The following DMD variants were observed in gnomAD, a reference collection of about 807,000 sequenced individuals.
DMD encodes dystrophin.
Under a neutral mutation model 330.1 loss-of-function variants are expected in DMD, and 63 were observed. That is an observed-to-expected ratio of 0.19 (90% CI 0.16 to 0.24). The LOEUF is 0.24. Ranked by LOEUF, DMD falls within the 10% of genes least tolerant of loss-of-function variation. The pLI is 1.00. For synonymous variants in DMD, 1,223 were observed against 959.8 expected (o/e 1.27, Z -5.07); for missense variants, 3,344 against 2,684.1 (o/e 1.25, Z -5.43).
intron 1 of DMD, among the ~76,000 whole-genome samples, chrX:33,045,627 G>C (rs1014518887): frequency 1.8e-5 from 2 of 109,649 alleles, no homozygotes; most frequent in Admixed American, 9.7e-5. Flanking sequence ...ATAAGTGAGA[G>C]CTAGAAGCCG....
chrX:32,569,807 A>G (rs2052190361), intron 15 of DMD, among the ~76,000 whole-genome samples: 1 of 110,838 alleles, frequency 9.0e-6, no homozygotes, highest in Non-Finnish European at 1.9e-5. Flanking sequence ...CTGCTTCCCC[A>G]GAGCTGTCCT....
rs72468677 is a variant in DMD, at chrX:32,485,166, G to A, written c.2623-67C>T. 269 of 1,090,979 alleles carry A rather than the reference G, an allele frequency of 2.5e-4. 1 individual carries two copies. Among genetic ancestry groups the A allele is most frequent in the Non-Finnish European group, 4.7e-5 (37 of 788,894 alleles). 89.9% of individuals were successfully genotyped at this position (1,090,979 alleles called of 1,213,427 possible). The stretch of plus-strand genomic sequence containing the variant: ...GCATACATTACATTTTGCAAAAGAA[G>A]GTATTAAAAAGCAGTAAGGCAAGTT... On this transcript the variant is annotated intron_variant, in intron 20 of 78. Coordinates refer to ENST00000357033, the MANE Select transcript of DMD (RefSeq NM_004006.3).
Position 32,592,390 on chromosome X carries a change from G to A in DMD, c.1602+3367C>T, listed in dbSNP as rs770213898. The stretch of plus-strand genomic sequence containing the variant: ...ACATTGGGACTACCAGCCGCAGGAA[G>A]GAGCTACCTACTTTGTGTCTCCTTG... On this transcript the variant is annotated intron_variant, in intron 13 of 78. Coordinates refer to ENST00000357033, the MANE Select transcript of DMD (RefSeq NM_004006.3). Among the ~76,000 whole-genome samples, 4 of 111,249 alleles carry A rather than the reference G, an allele frequency of 3.6e-5. No homozygotes were observed. The South Asian group carries it at 1.5e-3, about 43-fold the overall frequency.
intron 7 of DMD, among the ~76,000 whole-genome samples, chrX:32,762,429 CCAAA>C (rs1440529503): frequency 1.8e-5 from 2 of 111,363 alleles, no homozygotes; most frequent in Admixed American, 1.9e-4. Context: ...GTCCTTGACA[CCAAA>C]CATTCTAGTA....
At chrX:32,373,377 C>A (rs779507419) in intron 34 of DMD, among the ~76,000 whole-genome samples, 30 of 108,055 alleles carry the variant, frequency 2.8e-4, no homozygotes, top group African/African-American at 9.6e-4. Context: ...ATTAGCTTTC[C>A]TCTAGTTCAG....
At chrX:31,209,433 T>C (rs2044418091) in intron 65 of DMD, 65 bp downstream of exon 65, 4 of 1,078,380 alleles carry the variant, frequency 3.7e-6, no homozygotes, top group Admixed American at 2.2e-5. Context: ...CTAATTACAC[T>C]TCACCATTCT....
chrX:31,935,315 AG>A lies in DMD; in HGVS notation c.6615-3089del, dbSNP rs757203311. On this transcript the variant is annotated intron_variant, in intron 45 of 78. Transcript: ENST00000357033. Reference sequence around the variant, plus strand: ...ATCTTGCCTGGGACACGGAGTACAGAGGAGATTGGAAATTGCTTGGAATAGA... The same window carrying A: ...ATCTTGCCTGGGACACGGAGTACAGAGAGATTGGAAATTGCTTGGAATAGA... Among the ~76,000 whole-genome samples, 206 of 111,618 alleles carry A rather than the reference AG, an allele frequency of 1.8e-3. 1 individual carries two copies. The highest frequency in any genetic ancestry group is 5.4e-3 in the African/African-American group (166 of 30,750).
At chrX:33,200,776 T>G (rs2051214865) in intron 1 of DMD, among the ~76,000 whole-genome samples, 2 of 110,491 alleles carry the variant, frequency 1.8e-5, no homozygotes, top group Admixed American at 1.9e-4. Flanking sequence ...TTTCTATAGC[T>G]TATCCAAAGA....
At chrX:31,277,706 G>A (rs2052264325) in intron 62 of DMD, among the ~76,000 whole-genome samples, 1 of 111,693 alleles carries the variant, frequency 9.0e-6, no homozygotes, top group Non-Finnish European at 1.9e-5. Flanking sequence ...GCAGCTTTCT[G>A]ATGACCTGGC....
At chrX:32,315,902 C>G (rs1322778347) in intron 41 of DMD, among the ~76,000 whole-genome samples, 1 of 111,736 alleles carries the variant, frequency 8.9e-6, no homozygotes, top group Non-Finnish European at 1.9e-5. Flanking sequence ...TACAAGAGTT[C>G]AATTTTTAAG....
chrX:32,336,593 T>C (rs2097716756), intron 41 of DMD, among the ~76,000 whole-genome samples: 1 of 111,645 alleles, frequency 9.0e-6, no homozygotes, highest in Non-Finnish European at 1.9e-5. Flanking sequence ...GAGAAACTGA[T>C]GTTCTGAACG....
chrX:32,493,315 C>T (rs893487434), intron 19 of DMD, among the ~76,000 whole-genome samples: 20 of 111,755 alleles, frequency 1.8e-4, no homozygotes, highest in Non-Finnish European at 3.4e-4. Context: ...CTCAGGATGG[C>T]GGTGAAGGAG....
chrX:31,555,756 T>C (rs947029113), intron 55 of DMD, among the ~76,000 whole-genome samples: 3 of 112,212 alleles, frequency 2.7e-5, no homozygotes, highest in Non-Finnish European at 3.8e-5. Flanking sequence ...GCTGATGCAA[T>C]ACAGAGACAG....
intron 44 of DMD, among the ~76,000 whole-genome samples, chrX:32,075,284 T>A (rs749076845): frequency 8.9e-5 from 10 of 112,113 alleles, no homozygotes; most frequent in Non-Finnish European, 3.8e-5. Flanking sequence ...TTTATCCATA[T>A]GTAGGATTTT....
intron 70 of DMD, 35 bp from the exon 71 acceptor site, chrX:31,178,005 C>G: frequency 8.5e-7 from 1 of 1,172,479 alleles, no homozygotes; most frequent in Non-Finnish European, 1.2e-6. Context: ...GAAGGAGACA[C>G]ACGCAAACTC....
intron 57 of DMD, among the ~76,000 whole-genome samples, chrX:31,493,956 G>A (rs1486603755): frequency 9.0e-6 from 1 of 110,578 alleles, no homozygotes; most frequent in African/African-American, 3.3e-5. Flanking sequence ...TCAAGAGATC[G>A]AGACCATCTG....
chrX:32,263,039 A>T lies in DMD; in HGVS notation c.6290+24490T>A, dbSNP rs750524596. 6.2e-5 allele frequency among the ~76,000 whole-genome samples: 7 copies of T among 112,141 alleles called. No homozygotes were observed. In the South Asian group the frequency reaches 2.6e-3, roughly 42 times the overall value. Reference sequence around the variant, plus strand: ...CCATCTGCATGGAAATCTCTGTCTTAGAGTCTATGTCTTAGAAAATCCAAT... The same window carrying T: ...CCATCTGCATGGAAATCTCTGTCTTTGAGTCTATGTCTTAGAAAATCCAAT... On this transcript the variant is annotated intron_variant, in intron 43 of 78. Coordinates refer to ENST00000357033, the MANE Select transcript of DMD (RefSeq NM_004006.3).
chrX:31,673,338 G>A (rs963146767), intron 53 of DMD, among the ~76,000 whole-genome samples: 1 of 112,387 alleles, frequency 8.9e-6, no homozygotes, highest in Non-Finnish European at 1.9e-5. Context: ...GTGGGGCCAG[G>A]CATGTTGGCT....
intron 55 of DMD, among the ~76,000 whole-genome samples, chrX:31,540,400 A>C (rs6527100): frequency 0.21 from 22,970 of 111,462 alleles, 2,366 homozygotes; most frequent in African/African-American, 0.39. Flanking sequence ...AAGGAAAAGT[A>C]AAACACCCTT....
Sources: gnomAD v4.1 joint callset for allele counts (sites outside exome capture counted in the v4.1 genomes callset) on GRCh38, gnomAD v4.1.1 for gene constraint, MANE v1.5 for transcripts, NCBI Gene and HGNC (gene_info 2026-07-23, HGNC 2026-07-21) for gene names.